The following ANKFN1 variants were observed in gnomAD, a reference collection of about 807,000 sequenced individuals.
ANKFN1 encodes ankyrin repeat and fibronectin type III domain containing 1.
A neutral mutation model predicts 108.7 loss-of-function variants in ANKFN1; 74 were observed. The observed-to-expected ratio is 0.68, with a 90% confidence interval of 0.56 to 0.83. ANKFN1 has a LOEUF of 0.83. Among genes scored for constraint, ANKFN1 ranks in the 40% least tolerant of loss-of-function variants. The probability of loss-of-function intolerance (pLI) is 0.00; values close to 1 mark genes in which losing one functional copy is unlikely to be tolerated. For missense variants in ANKFN1, 1,505 were observed against 1,382.3 expected (o/e 1.09, Z -1.41); for synonymous variants, 547 against 516.2 (o/e 1.06, Z -0.81).
At chr17:56,399,846 TATATATATA>T (rs1567973006) in intron 8 of ANKFN1, among the ~76,000 whole-genome samples, 56 of 114,404 alleles carry the variant, frequency 4.9e-4, no homozygotes, top group Middle Eastern at 3.7e-3. Flanking sequence ...CCATTTTTTA[TATATATATA>T]TATATATATA....
rs2051067597 is a variant in ANKFN1, at chr17:56,492,341, A to G, written c.2415A>G (p.Leu805=). ...AAAKQRHQQV[L]DFIQQIDEVW... ...CCAAACAAAGACACCAGCAAGTTTT[A>G]GATTTCATTCAGGTAATTGTTTGTT... is the stretch of plus-strand genomic sequence containing the variant. Residue 805 remains leucine, a synonymous_variant, in exon 19 of 21, where the codon TTA becomes TTG. Coordinates refer to ENST00000682825, the MANE Select transcript of ANKFN1 (RefSeq NM_001370326.1). The G allele has an allele frequency of 1.4e-6, 1 of 702,286 alleles. No individual in the cohort carries two copies. Among genetic ancestry groups the G allele is most frequent in the Non-Finnish European group, 2.6e-6 (1 of 384,484 alleles). The allele number at this position is 702,286 out of a possible 1,614,324, so 43.5% of individuals were successfully genotyped here. A position where few individuals can be genotyped will look rare whatever the true frequency, so the allele number is the denominator to read the frequency against.
intron 4 of ANKFN1, among the ~76,000 whole-genome samples, chr17:56,084,772 G>A (rs1905287395): frequency 1.3e-5 from 2 of 151,270 alleles, no homozygotes; most frequent in African/African-American, 4.9e-5. Context: ...CAGGCTTGAT[G>A]AAGAAAGCCT....
intron 4 of ANKFN1, among the ~76,000 whole-genome samples, chr17:56,110,742 T>C (rs1905915279): frequency 6.6e-6 from 1 of 152,240 alleles, no homozygotes; most frequent in Non-Finnish European, 1.5e-5. Flanking sequence ...GGTAACAATG[T>C]ACTCACCCCA....
intron 11 of ANKFN1, among the ~76,000 whole-genome samples, chr17:56,450,608 T>C (rs1299792931): frequency 1.3e-5 from 2 of 152,228 alleles, no homozygotes; most frequent in African/African-American, 4.8e-5. Context: ...TTCTCGGTTA[T>C]TGAGGGCTCA....
At chr17:56,154,884 GGC>G (rs1265273736) in intron 1 of ANKFN1, among the ~76,000 whole-genome samples, 1 of 152,108 alleles carries the variant, frequency 6.6e-6, no homozygotes, top group Non-Finnish European at 1.5e-5. Flanking sequence ...AGAAGACTTA[GGC>G]TCTAGGCTCA....
At chr17:56,048,528 C>CT (rs1241418498) in intron 4 of ANKFN1, among the ~76,000 whole-genome samples, 1 of 152,072 alleles carries the variant, frequency 6.6e-6, no homozygotes, top group Non-Finnish European at 1.5e-5. Flanking sequence ...TACTGGCCCC[C>CT]TTTTTTAAAA....
At chr17:56,150,977 C>A (rs750487194), upstream of ANKFN1, among the ~76,000 whole-genome samples, 11 of 152,288 alleles carry the variant, frequency 7.2e-5, no homozygotes, top group Non-Finnish European at 1.5e-4. Context: ...GTGGAATGAT[C>A]AGCCTGGAGA....
At position 56,457,353 on chromosome 17, in the gene ANKFN1, C is replaced by T. The variant is rs903149783; in HGVS notation, c.1404C>T (p.Thr468=). 2.1e-5 allele frequency: 34 copies of T among 1,605,710 alleles called. No individual in the cohort carries two copies. The highest frequency in any genetic ancestry group is 2.8e-5 in the Non-Finnish European group (33 of 1,178,006). ...VPIVEIDDSH[T]SSITQDFLWF... ...TTGTTGAAATAGATGACTCTCACAC[C>T]AGTTCTATTACACAAGATTTTCTGT... Residue 468 remains threonine (T), a synonymous_variant, in exon 13 of 21, where the codon ACC becomes ACT. Transcript: ENST00000682825.
chr17:56,102,108 A>G (rs1032199486), intron 4 of ANKFN1, among the ~76,000 whole-genome samples: 2 of 152,222 alleles, frequency 1.3e-5, no homozygotes, highest in Non-Finnish European at 1.5e-5. Flanking sequence ...CAAACTCCAT[A>G]TACTAGTGAA....
chr17:56,366,106 C>T (rs73311766), intron 6 of ANKFN1, among the ~76,000 whole-genome samples: 5,255 of 152,158 alleles, frequency 0.035, 301 homozygotes, highest in African/African-American at 0.12. Flanking sequence ...TGACCCTAGG[C>T]ATAGGCGTAG....
chr17:56,461,276 A>C (rs2049893721), intron 14 of ANKFN1, among the ~76,000 whole-genome samples: 1 of 152,208 alleles, frequency 6.6e-6, no homozygotes, highest in Non-Finnish European at 1.5e-5. Context: ...TCTGTCTTAA[A>C]GAGTGCCTCA....
intron 10 of ANKFN1, among the ~76,000 whole-genome samples, chr17:56,447,607 G>T (rs75923795): frequency 6.6e-6 from 1 of 152,240 alleles, no homozygotes; most frequent in African/African-American, 2.4e-5. Context: ...GGGTGGAAAG[G>T]AAGAAGGATC....
intron 8 of ANKFN1, among the ~76,000 whole-genome samples, chr17:56,377,035 G>C (rs942797334): frequency 1.3e-5 from 2 of 152,148 alleles, no homozygotes; most frequent in African/African-American, 4.8e-5. Context: ...AGAAACAATT[G>C]AGAAATCTAC....
chr17:56,065,401 C>T (rs1905044058), intron 4 of ANKFN1, among the ~76,000 whole-genome samples: 1 of 152,156 alleles, frequency 6.6e-6, no homozygotes, highest in African/African-American at 2.4e-5. Flanking sequence ...AGGAGTAACA[C>T]TTTTTATCTC....
chr17:56,079,157 G>A (rs528872916), intron 4 of ANKFN1, among the ~76,000 whole-genome samples: 6 of 152,284 alleles, frequency 3.9e-5, no homozygotes, highest in East Asian at 3.9e-4. Flanking sequence ...GGAGTGTGAC[G>A]AGGGCCAAAA....
At chr17:56,172,563 C>T (rs1910776883) in intron 1 of ANKFN1, among the ~76,000 whole-genome samples, 1 of 152,084 alleles carries the variant, frequency 6.6e-6, no homozygotes, top group Admixed American at 6.6e-5. Flanking sequence ...TAGGAGGTGG[C>T]AGTGAGAGCT....
At chr17:56,191,929 CT>C (rs1912972168) in intron 1 of ANKFN1, among the ~76,000 whole-genome samples, 1 of 151,482 alleles carries the variant, frequency 6.6e-6, no homozygotes, top group South Asian at 2.1e-4. Context: ...ATTCTTTTTT[CT>C]CTATACTTCC....
chr17:56,425,010 CT>C (rs1465500777), intron 8 of ANKFN1, among the ~76,000 whole-genome samples: 1 of 151,644 alleles, frequency 6.6e-6, no homozygotes, highest in Non-Finnish European at 1.5e-5. Context: ...TGCAATTGAA[CT>C]TTGAGTAAAG....
chr17:56,249,821 A>G (rs1238575840), intron 3 of ANKFN1, among the ~76,000 whole-genome samples: 3 of 152,164 alleles, frequency 2.0e-5, no homozygotes, highest in Admixed American at 2.0e-4. Context: ...GAGGTAAATT[A>G]GGAGAGGATT....
Sources: allele counts gnomAD v4.1 joint callset (sites outside exome capture counted in the v4.1 genomes callset), GRCh38; gene constraint gnomAD v4.1.1; transcripts MANE v1.5; gene names NCBI Gene and HGNC (gene_info 2026-07-23, HGNC 2026-07-21).